KIAA0586: variants seen among roughly 807,000 people sequenced by gnomAD.
KIAA0586 encodes the protein protein TALPID3.
A neutral mutation model predicts 169.8 loss-of-function variants in KIAA0586; 144 were observed. The ratio of observed to expected loss-of-function variants is 0.85; its 90% CI spans 0.74 to 0.97. The LOEUF (loss-of-function observed/expected upper bound fraction) is 0.97. Among genes scored for constraint, KIAA0586 ranks in the 50% least tolerant of loss-of-function variants. The pLI is 0.00. For missense variants in KIAA0586, 1,854 were observed against 1,823.0 expected, an observed-to-expected ratio of 1.02 and a Z score of -0.31; for synonymous variants, 625 against 612.4, an observed-to-expected ratio of 1.02 and a Z score of -0.30.
At chr14:58,524,518 G>A (rs556741230) in intron 29 of KIAA0586, among the ~76,000 whole-genome samples, 72 of 152,242 alleles carry the variant, frequency 4.7e-4, no homozygotes, top group African/African-American at 1.7e-3. Flanking sequence ...GAAGAGGGAG[G>A]ACCACCCTTT....
At position 58,430,662 on chromosome 14, in the gene KIAA0586, C is replaced by T. The variant is rs527601211; in HGVS notation, c.285C>T (p.Asp95=). Residue 95 remains aspartate (D), a synonymous_variant, in exon 3 of 31, where the codon GAC becomes GAT. Coordinates refer to ENST00000652326, the MANE Select transcript of KIAA0586 (RefSeq NM_001329943.3). ...ATATCCCAAAGGATTTTTCTAAAGACGTTGCAGTGCAAGTGTTGCCTTTGG... is the reference window on the plus strand; with the variant it reads ...ATATCCCAAAGGATTTTTCTAAAGATGTTGCAGTGCAAGTGTTGCCTTTGG... ...PMVSESDFSK[D]VAVQVLPLDK... 15 of 1,597,166 alleles carry T rather than the reference C, an allele frequency of 9.4e-6. No individual in the cohort carries two copies. The highest frequency in any genetic ancestry group is 4.5e-5 in the East Asian group (2 of 44,622).
chr14:58,492,018 A>G lies in KIAA0586; in HGVS notation c.3859-126A>G, dbSNP rs2042863306. On this transcript the variant is annotated intron_variant, in intron 25 of 30. Transcript: ENST00000652326. ...AGAACTAGATGAAAATAAAGAGTTCATCTCCTTTCCAAAAATGCTAATATC... is the reference window on the plus strand; with the variant it reads ...AGAACTAGATGAAAATAAAGAGTTCGTCTCCTTTCCAAAAATGCTAATATC... 4.4e-6 allele frequency: 3 copies of G among 679,016 alleles called. No homozygotes were observed. The Admixed American group carries it at 1.1e-4, about 24-fold the overall frequency. The allele number at this position is 679,016 out of a possible 1,614,324, so 42.1% of individuals were successfully genotyped here.
rs146668526 is a variant in KIAA0586, at chr14:58,464,165, G to A, written c.2060-1670G>A. On this transcript the variant is annotated intron_variant, in intron 14 of 30. Coordinates refer to ENST00000652326, the MANE Select transcript of KIAA0586 (RefSeq NM_001329943.3). ...AAGATACCTGCCACACAAAAGAGTTGAGGGTTGCTAATAATTTATATAATG... is the reference window on the plus strand; with the variant it reads ...AAGATACCTGCCACACAAAAGAGTTAAGGGTTGCTAATAATTTATATAATG... 1.4e-4 allele frequency: 50 copies of A among 370,066 alleles called. 1 individual carries two copies. The East Asian group carries it at 3.9e-3, about 29-fold the overall frequency. The allele number at this position is 370,066 out of a possible 1,614,324, so 22.9% of individuals were successfully genotyped here.
intron 30 of KIAA0586, 124 bp downstream of exon 30, chr14:58,540,260 GT>G: frequency 8.5e-6 from 5 of 590,920 alleles, no homozygotes; most frequent in Non-Finnish European, 1.5e-5. Context: ...TAATTCTTCT[GT>G]AATATCTGTA....
chr14:58,501,209 A>G (rs925429906), intron 27 of KIAA0586, among the ~76,000 whole-genome samples: 4 of 152,240 alleles, frequency 2.6e-5, no homozygotes, highest in Admixed American at 2.6e-4. Context: ...AACACCTTGT[A>G]TCATTCAGAA....
At chr14:58,436,386 A>T (rs1278643236) in intron 4 of KIAA0586, among the ~76,000 whole-genome samples, 1 of 152,174 alleles carries the variant, frequency 6.6e-6, no homozygotes, top group Non-Finnish European at 1.5e-5. Context: ...CATAACCAGA[A>T]GTCTATAGAA....
chr14:58,484,924 A>ATATTTTT, intron 21 of KIAA0586, among the ~76,000 whole-genome samples: 1 of 13,052 alleles, frequency 7.7e-5, no homozygotes, highest in Non-Finnish European at 1.3e-4. Flanking sequence ...ATATATATAT[A>ATATTTTT]TTTTTTTTTT....
At chr14:58,429,653 TG>T (rs1316012603) in intron 2 of KIAA0586, among the ~76,000 whole-genome samples, 11 of 152,276 alleles carry the variant, frequency 7.2e-5, no homozygotes, top group Admixed American at 7.2e-4. Flanking sequence ...AGTAAGATAA[TG>T]GCCGCTGAAA....
intron 6 of KIAA0586, among the ~76,000 whole-genome samples, chr14:58,446,057 A>T (rs878982609): frequency 6.6e-6 from 1 of 151,020 alleles, no homozygotes; most frequent in East Asian, 2.0e-4. Flanking sequence ...TTTAGTAGAG[A>T]TGGGGTTTCA....
chr14:58,485,667 T>C (rs2042390852), intron 21 of KIAA0586, among the ~76,000 whole-genome samples: 1 of 152,176 alleles, frequency 6.6e-6, no homozygotes, highest in Admixed American at 6.5e-5. Context: ...CACTATCCTT[T>C]TGTACCTTTT....
rs186040937 is a variant in KIAA0586 at position 58,492,419 on chromosome 14, A to C, written c.3990+144A>C. On this transcript the variant is annotated intron_variant, in intron 26 of 30. Transcript: ENST00000652326. ...CAGCAACTTTAACTTGGAATCATGGAACTGTAGAGTTTTATAACAGAAAGG... is the reference window on the plus strand; with the variant it reads ...CAGCAACTTTAACTTGGAATCATGGCACTGTAGAGTTTTATAACAGAAAGG... 3.9e-4 allele frequency: 245 copies of C among 629,296 alleles called. No individual in the cohort carries two copies. The African/African-American group carries it at 4.2e-3, about 11-fold the overall frequency. 39.0% of individuals were successfully genotyped at this position (629,296 alleles called of 1,614,324 possible). A position where few individuals can be genotyped will look rare whatever the true frequency, so the allele number is the denominator to read the frequency against.
intron 29 of KIAA0586, among the ~76,000 whole-genome samples, chr14:58,525,630 C>T (rs969237835): frequency 1.3e-5 from 2 of 152,212 alleles, no homozygotes; most frequent in East Asian, 1.9e-4. Flanking sequence ...CAAAACTGGG[C>T]AGCCATTTGG....
chr14:58,470,112 GT>G (rs1566847616), intron 16 of KIAA0586, among the ~76,000 whole-genome samples: 3 of 150,660 alleles, frequency 2.0e-5, no homozygotes, highest in South Asian at 2.1e-4. Flanking sequence ...GTGTGTGTAA[GT>G]TTTTTTTGTA....
At chr14:58,552,962 T>C (rs959611641), downstream of KIAA0586, among the ~76,000 whole-genome samples, 1 of 152,228 alleles carries the variant, frequency 6.6e-6, no homozygotes, top group Admixed American at 6.5e-5. Context: ...TAAGTAAATA[T>C]GTAAATTGTA....
intron 20 of KIAA0586, among the ~76,000 whole-genome samples, chr14:58,480,719 A>G (rs1320660478): frequency 2.6e-5 from 4 of 152,238 alleles, no homozygotes; most frequent in African/African-American, 7.2e-5. Flanking sequence ...GCCATACCCT[A>G]TATCCCAGCT....
intron 3 of KIAA0586, among the ~76,000 whole-genome samples, chr14:58,431,504 T>C (rs369440681): frequency 6.6e-6 from 1 of 152,298 alleles, no homozygotes; most frequent in East Asian, 1.9e-4. Flanking sequence ...TGACCTCAAG[T>C]GATCTGCCTA....
chr14:58,508,004 C>CA (rs1195297727), intron 27 of KIAA0586, among the ~76,000 whole-genome samples: 1 of 152,044 alleles, frequency 6.6e-6, no homozygotes, highest in Non-Finnish European at 1.5e-5. Flanking sequence ...AGGCTGGTCT[C>CA]AAACTCCTGA....
chr14:58,509,268 A>T (rs1434840913), intron 28 of KIAA0586, among the ~76,000 whole-genome samples: 25 of 152,120 alleles, frequency 1.6e-4, no homozygotes, highest in Non-Finnish European at 4.4e-5. Flanking sequence ...ATATAAAAGT[A>T]AGGTAGCGAT....
At chr14:58,491,579 T>C (rs2042835668) in intron 25 of KIAA0586, among the ~76,000 whole-genome samples, 1 of 152,248 alleles carries the variant, frequency 6.6e-6, no homozygotes, top group Non-Finnish European at 1.5e-5. Flanking sequence ...TGGGCCTATT[T>C]TGAGGCATGA....
Sources: allele counts gnomAD v4.1 joint callset (sites outside exome capture counted in the v4.1 genomes callset), GRCh38; gene constraint gnomAD v4.1.1; transcripts MANE v1.5; gene names NCBI Gene and HGNC (gene_info 2026-07-23, HGNC 2026-07-21).